CSMD1: variants seen among roughly 807,000 people sequenced by gnomAD.
The protein encoded by CSMD1 is CUB and sushi domain-containing protein 1.
Under a neutral mutation model 417.5 loss-of-function variants are expected in CSMD1, and 213 were observed. That is an observed-to-expected ratio of 0.51 (90% CI 0.46 to 0.57). CSMD1 has a LOEUF of 0.57. Ranked by LOEUF, CSMD1 falls within the 20% of genes least tolerant of loss-of-function variation. The pLI is 0.00. For synonymous variants in CSMD1, 2,862 were observed against 1,736.8 expected (o/e 1.65, Z -16.11); for missense variants, 6,923 against 4,529.7 (o/e 1.53, Z -15.17).
At chr8:3,215,310 T>G (rs1028661717) in intron 29 of CSMD1, among the ~76,000 whole-genome samples, 6 of 152,210 alleles carry the variant, frequency 3.9e-5, no homozygotes, top group African/African-American at 1.2e-4. Flanking sequence ...AAAAATACAT[T>G]GACTGATAGA....
intron 1 of CSMD1, among the ~76,000 whole-genome samples, chr8:4,663,647 T>A (rs980065813): frequency 6.6e-5 from 10 of 152,290 alleles, no homozygotes; most frequent in African/African-American, 1.9e-4. Context: ...ACTATGATTG[T>A]TTTAAGTTCC....
intron 10 of CSMD1, among the ~76,000 whole-genome samples, chr8:3,534,340 C>A (rs921341395): frequency 1.3e-5 from 2 of 152,050 alleles, no homozygotes; most frequent in Non-Finnish European, 1.5e-5. Flanking sequence ...CTGTTTTCCA[C>A]ACTCCTCTCA....
chr8:3,945,412 G>T (rs1009128540), intron 5 of CSMD1, among the ~76,000 whole-genome samples: 1 of 151,922 alleles, frequency 6.6e-6, no homozygotes, highest in Admixed American at 6.6e-5. Flanking sequence ...ACTTTTTTGG[G>T]GGGGCATATT....
At chr8:3,660,973 G>C (rs1397960482) in intron 7 of CSMD1, among the ~76,000 whole-genome samples, 2 of 152,174 alleles carry the variant, frequency 1.3e-5, no homozygotes, top group African/African-American at 4.8e-5. Flanking sequence ...GCAGAGGTGA[G>C]GGATTGGCAG....
intron 2 of CSMD1, among the ~76,000 whole-genome samples, chr8:4,630,005 C>T (rs1305579076): frequency 6.6e-6 from 1 of 152,046 alleles, no homozygotes; most frequent in Non-Finnish European, 1.5e-5. Context: ...GCCTAAAATA[C>T]TTCTCTGCCC....
chr8:4,786,405 A>G (rs180704695), intron 1 of CSMD1, among the ~76,000 whole-genome samples: 1 of 152,354 alleles, frequency 6.6e-6, no homozygotes, highest in Non-Finnish European at 1.5e-5. Context: ...GTAAATGAAT[A>G]AATAATCACT....
At chr8:3,063,700 G>C (rs546328589) in intron 49 of CSMD1, among the ~76,000 whole-genome samples, 15 of 152,308 alleles carry the variant, frequency 9.8e-5, no homozygotes, top group African/African-American at 3.4e-4. Context: ...TGATGATCTT[G>C]AAGACACTAT....
intron 2 of CSMD1, among the ~76,000 whole-genome samples, chr8:4,442,056 T>C (rs928001832): frequency 2.0e-5 from 3 of 152,206 alleles, no homozygotes; most frequent in Non-Finnish European, 2.9e-5. Flanking sequence ...AAACCCATTT[T>C]GTTTCAAAAC....
At chr8:3,909,706 G>A (rs960316107) in intron 5 of CSMD1, among the ~76,000 whole-genome samples, 1 of 152,064 alleles carries the variant, frequency 6.6e-6, no homozygotes, top group East Asian at 1.9e-4. Context: ...CGAAATTCTT[G>A]CGGCTTGTGT....
intron 3 of CSMD1, among the ~76,000 whole-genome samples, chr8:4,041,890 G>A (rs1417028084): frequency 6.6e-6 from 1 of 152,106 alleles, no homozygotes; most frequent in African/African-American, 2.4e-5. Flanking sequence ...ATGTTATAAG[G>A]TAGAATAGAT....
At chr8:4,432,060 C>G (rs1797899058) in intron 2 of CSMD1, among the ~76,000 whole-genome samples, 1 of 151,942 alleles carries the variant, frequency 6.6e-6, no homozygotes, top group African/African-American at 2.4e-5. Context: ...TGCTCACAGA[C>G]TAAAACAGAC....
At chr8:3,599,966 A>G (rs2449175) in intron 8 of CSMD1, among the ~76,000 whole-genome samples, 131,608 of 152,244 alleles carry the variant, frequency 0.86, 57,299 homozygotes, top group East Asian at 1. Flanking sequence ...TCTACAATTC[A>G]TTGATGGCAA....
intron 10 of CSMD1, among the ~76,000 whole-genome samples, chr8:3,494,142 C>T (rs1796262274): frequency 6.6e-6 from 1 of 152,162 alleles, no homozygotes. Context: ...GTTCTATATG[C>T]ATACTTCATG....
At chr8:4,210,003 C>T (rs1288393651) in intron 3 of CSMD1, among the ~76,000 whole-genome samples, 3 of 152,154 alleles carry the variant, frequency 2.0e-5, no homozygotes, top group Non-Finnish European at 2.9e-5. Context: ...GCTTCTGCCC[C>T]AGATCTGTTT....
chr8:4,410,341 G>A (rs1395910664), intron 3 of CSMD1, among the ~76,000 whole-genome samples: 1 of 152,164 alleles, frequency 6.6e-6, no homozygotes, highest in Non-Finnish European at 1.5e-5. Context: ...CACTCATAGT[G>A]ACTGGGAAAC....
At chr8:3,728,327 C>G (rs992521706) in intron 6 of CSMD1, among the ~76,000 whole-genome samples, 1 of 152,080 alleles carries the variant, frequency 6.6e-6, no homozygotes, top group Non-Finnish European at 1.5e-5. Flanking sequence ...GTGAGGCCTC[C>G]CAGCCACGTG....
intron 2 of CSMD1, among the ~76,000 whole-genome samples, chr8:4,576,595 C>G (rs979216106): frequency 6.6e-6 from 1 of 152,198 alleles, no homozygotes; most frequent in Non-Finnish European, 1.5e-5. Context: ...TATTGTCCAT[C>G]CAGTATCTAG....
intron 1 of CSMD1, among the ~76,000 whole-genome samples, chr8:4,781,283 T>C (rs944249593): frequency 6.6e-6 from 1 of 152,176 alleles, no homozygotes; most frequent in Non-Finnish European, 1.5e-5. Flanking sequence ...ATCAGCATCA[T>C]GAAAACAAAA....
chr8:4,373,943 T>C (rs917403559), intron 3 of CSMD1, among the ~76,000 whole-genome samples: 4 of 152,214 alleles, frequency 2.6e-5, no homozygotes, highest in Non-Finnish European at 5.9e-5. Flanking sequence ...TAGAAGACTT[T>C]AGTGTCTCTA....
Sources: allele counts gnomAD v4.1 joint callset (sites outside exome capture counted in the v4.1 genomes callset), GRCh38; gene constraint gnomAD v4.1.1; transcripts MANE v1.5; gene names NCBI Gene and HGNC (gene_info 2026-07-23, HGNC 2026-07-21).